The following FRMD4B variants were observed in gnomAD, a reference collection of about 807,000 sequenced individuals.
FRMD4B encodes FERM domain-containing protein 4B.
Under a neutral mutation model 141.5 loss-of-function variants are expected in FRMD4B, and 74 were observed. The ratio of observed to expected loss-of-function variants is 0.52; its 90% CI spans 0.43 to 0.63. The LOEUF (loss-of-function observed/expected upper bound fraction) is 0.63, where lower values mean the gene tolerates loss of function less well. FRMD4B is among the 30% of genes least tolerant of loss of function. The pLI is 0.00. For synonymous variants in FRMD4B, 506 were observed against 467.9 expected, an observed-to-expected ratio of 1.08 and a Z score of -1.05; for missense variants, 1,366 against 1,253.4, an observed-to-expected ratio of 1.09 and a Z score of -1.36.
intron 1 of FRMD4B, among the ~76,000 whole-genome samples, chr3:69,436,790 T>C (rs1374158491): frequency 6.6e-6 from 1 of 152,200 alleles, no homozygotes; most frequent in African/African-American, 2.4e-5. Context: ...TTCTGATATA[T>C]GTTACAACAT....
intron 7 of FRMD4B, among the ~76,000 whole-genome samples, chr3:69,248,470 C>T (rs1463513878): frequency 2.6e-5 from 4 of 152,192 alleles, no homozygotes; most frequent in Non-Finnish European, 4.4e-5. Context: ...TTAAGGGGCA[C>T]ATTATTCAAA....
rs543546464 is a variant in FRMD4B at position 69,346,684 on chromosome 3, C to T, written c.163-33167G>A. Among the ~76,000 whole-genome samples the T allele has an allele frequency of 6.4e-3, 967 of 152,270 alleles. 5 individuals carry two copies. Among genetic ancestry groups the T allele is most frequent in the Non-Finnish European group, 8.9e-3 (608 of 68,024 alleles). On this transcript the variant is annotated intron_variant, in intron 1 of 22. Transcript: ENST00000398540. Reference sequence around the variant, plus strand: ...AGAGTGGGGGCCAATATTCAACATTCTTAAAGAAAAGAATTTCCAACCCAG... The same window carrying T: ...AGAGTGGGGGCCAATATTCAACATTTTTAAAGAAAAGAATTTCCAACCCAG...
At chr3:69,422,803 A>AG (rs1485007326) in intron 2 of FRMD4B, among the ~76,000 whole-genome samples, 8 of 148,806 alleles carry the variant, frequency 5.4e-5, no homozygotes, top group Non-Finnish European at 8.9e-5. Flanking sequence ...TGAAAAAGGA[A>AG]AAAAAAAACA....
intron 1 of FRMD4B, among the ~76,000 whole-genome samples, chr3:69,462,170 G>T (rs556786407): frequency 5.9e-5 from 9 of 152,234 alleles, no homozygotes; most frequent in African/African-American, 2.2e-4. Flanking sequence ...GCCAAAACAT[G>T]GTGTCTTCGT....
At chr3:69,378,772 ATC>A (rs928780963) in intron 1 of FRMD4B, among the ~76,000 whole-genome samples, 1 of 151,930 alleles carries the variant, frequency 6.6e-6, no homozygotes, top group African/African-American at 2.4e-5. Flanking sequence ...CTCAATCAAA[ATC>A]TCTCTGTCTT....
intron 2 of FRMD4B, among the ~76,000 whole-genome samples, chr3:69,420,187 T>G (rs1704947406): frequency 6.7e-6 from 1 of 148,940 alleles, no homozygotes; most frequent in Admixed American, 6.8e-5. Flanking sequence ...CTGGGGTTGA[T>G]AAGCAAAATA....
At chr3:69,500,013 G>C (rs950935142) in intron 1 of FRMD4B, among the ~76,000 whole-genome samples, 1 of 152,230 alleles carries the variant, frequency 6.6e-6, no homozygotes, top group African/African-American at 2.4e-5. Flanking sequence ...TCCAGAAGGG[G>C]ATCTGGACCG....
Position 69,200,678 on chromosome 3 carries a change from G to A in FRMD4B, c.877-1904C>T, listed in dbSNP as rs1397288653. 9 of 1,257,792 alleles carry A rather than the reference G, an allele frequency of 7.2e-6. No individual in the cohort carries two copies. The African/African-American group carries it at 1.4e-4, about 19-fold the overall frequency. 77.9% of individuals were successfully genotyped at this position (1,257,792 alleles called of 1,614,324 possible). On this transcript the variant is annotated intron_variant, in intron 11 of 22. Coordinates refer to ENST00000398540, the MANE Select transcript of FRMD4B (RefSeq NM_015123.3). ...AAGTTCTCAGTGGCAGATTTTCCCA[G>A]AAAAGAGACCTTTCTAAAATGGAGG...
At chr3:69,238,902 T>A (rs939112219) in intron 7 of FRMD4B, among the ~76,000 whole-genome samples, 5 of 152,332 alleles carry the variant, frequency 3.3e-5, no homozygotes, top group Admixed American at 2.6e-4. Context: ...ATTATTACTA[T>A]TGAGAAGAAT....
chr3:69,283,962 A>T (rs2093655441), intron 5 of FRMD4B, among the ~76,000 whole-genome samples: 1 of 111,358 alleles, frequency 9.0e-6, no homozygotes, highest in Non-Finnish European at 2.0e-5. Context: ...TGAAAAAACA[A>T]AACAAAACAA....
In FRMD4B at chr3:69,423,031, C is replaced by A. The variant is rs529494911; in HGVS notation, c.-1+9603G>T. 3.9e-5 allele frequency among the ~76,000 whole-genome samples: 6 copies of A among 152,270 alleles called. No homozygotes were observed. The South Asian group carries it at 1.2e-3, about 32-fold the overall frequency. On this transcript the variant is annotated intron_variant, in intron 2 of 5. Transcript: ENST00000459638. The stretch of plus-strand genomic sequence containing the variant: ...TGTTGTTCAGGAATGAAGGGAAGGA[C>A]CATAAGGGCCCTTTTTTGTGAGACA...
At chr3:69,245,790 A>G (rs1326744357) in intron 7 of FRMD4B, among the ~76,000 whole-genome samples, 4 of 148,754 alleles carry the variant, frequency 2.7e-5, no homozygotes, top group Non-Finnish European at 5.9e-5. Context: ...CAGCCTTCCA[A>G]GTAGCTGGGA....
intron 5 of FRMD4B, among the ~76,000 whole-genome samples, chr3:69,263,048 C>G (rs1039256143): frequency 6.6e-6 from 1 of 151,872 alleles, no homozygotes; most frequent in African/African-American, 2.4e-5. Context: ...CACCTGAGGT[C>G]GGGAGTTCGA....
At position 69,385,813 on chromosome 3, in the gene FRMD4B, C is replaced by T; in HGVS notation, c.162+15G>A. 6.5e-7 allele frequency: 1 copy of T among 1,533,680 alleles called. No individual in the cohort carries two copies. Among genetic ancestry groups the T allele is most frequent in the Non-Finnish European group, 8.8e-7 (1 of 1,135,294 alleles). ...ATCCTGCTGGGGCCCTCGGGTGCCGCGCGCTCCAGCTCACCTGGTACACGT... is the reference window on the plus strand; with the variant it reads ...ATCCTGCTGGGGCCCTCGGGTGCCGTGCGCTCCAGCTCACCTGGTACACGT... On this transcript the variant is annotated intron_variant, in intron 1 of 22. Transcript: ENST00000398540.
At chr3:69,324,835 G>A (rs905160992) in intron 1 of FRMD4B, among the ~76,000 whole-genome samples, 1 of 149,780 alleles carries the variant, frequency 6.7e-6, no homozygotes, top group African/African-American at 2.4e-5. Flanking sequence ...GTTCCCTCCT[G>A]TAACCCTAAT....
chr3:69,233,487 A>G (rs1333346759), intron 7 of FRMD4B, among the ~76,000 whole-genome samples: 2 of 151,856 alleles, frequency 1.3e-5, no homozygotes, highest in Non-Finnish European at 2.9e-5. Context: ...TGTCTCAAAA[A>G]AAAAAAAAAA....
chr3:69,391,253 T>A (rs1360005457), intron 2 of FRMD4B, among the ~76,000 whole-genome samples: 4 of 151,844 alleles, frequency 2.6e-5, no homozygotes, highest in African/African-American at 9.6e-5. Flanking sequence ...TTTTTATTTT[T>A]TTTTATTATT....
At position 69,187,836 on chromosome 3, in the gene FRMD4B, C is replaced by T. The variant is rs2092786703; in HGVS notation, c.1853G>A (p.Gly618Asp). ...CTTTCTGAAATGGATTCGCTCAATA[C>T]CAAGAGACTTGGGGGGAAGAATTCT... ...SPRILPPKSL[G>D]IERIHFRKSS... Residue 618 changes from glycine (G) to aspartate (D), a missense_variant, in exon 19 of 23, where the codon GGT (glycine) becomes GAT (aspartate). By Grantham distance (94) the Gly-to-Asp change is moderately conservative. Transcript: ENST00000398540. 1 of 1,611,598 alleles carries T rather than the reference C, an allele frequency of 6.2e-7. No individual in the cohort carries two copies. The highest frequency in any genetic ancestry group is 1.7e-5 in the Admixed American group (1 of 59,868).
At position 69,181,574 on chromosome 3, in the gene FRMD4B, G is replaced by A. The variant is rs1368350567; in HGVS notation, c.2176C>T (p.Leu726Phe). The A allele has an allele frequency of 1.2e-6, 2 of 1,613,902 alleles. No homozygotes were observed. Among genetic ancestry groups the A allele is most frequent in the East Asian group, 2.2e-5 (1 of 44,864 alleles). Reference protein sequence around the residue: ...KSQRSSSTEILDDGSSYTSQS... With the variant: ...KSQRSSSTEIFDDGSSYTSQS... The stretch of plus-strand genomic sequence containing the variant: ...CTTGTATAAGAAGACCCGTCATCGA[G>A]GATTTCTGTGCTGCTGCTTCTTTGG... Residue 726 changes from leucine to phenylalanine, a missense_variant, in exon 21 of 23, where the codon CTC becomes TTC. Coordinates refer to ENST00000398540, the MANE Select transcript of FRMD4B (RefSeq NM_015123.3).
Sources: allele counts gnomAD v4.1 joint callset (sites outside exome capture counted in the v4.1 genomes callset), GRCh38; gene constraint gnomAD v4.1.1; transcripts MANE v1.5; gene names NCBI Gene and HGNC (gene_info 2026-07-23, HGNC 2026-07-21).